The following STK38L variants were observed in gnomAD, a reference collection of about 807,000 sequenced individuals.
STK38L encodes serine/threonine kinase 38 like, also known as serine/threonine-protein kinase 38-like.
A neutral mutation model predicts 59.7 loss-of-function variants in STK38L; 28 were observed. That is an observed-to-expected ratio of 0.47 (90% CI 0.35 to 0.64). The LOEUF is 0.64. Ranked by LOEUF, STK38L falls within the 30% of genes least tolerant of loss-of-function variation. The pLI is 0.01. For synonymous variants in STK38L, 162 were observed against 176.8 expected (o/e 0.92, Z 0.66); for missense variants, 314 against 555.8 (o/e 0.56, Z 4.37).
At chr12:27,282,025 G>A (rs1005322598) in intron 1 of STK38L, among the ~76,000 whole-genome samples, 2 of 152,174 alleles carry the variant, frequency 1.3e-5, no homozygotes, top group Non-Finnish European at 2.9e-5. Context: ...GACAGAGGGA[G>A]ACTGTCTCAA....
chr12:27,265,242 T>C (rs1226398721), intron 1 of STK38L, among the ~76,000 whole-genome samples: 1 of 152,222 alleles, frequency 6.6e-6, no homozygotes, highest in African/African-American at 2.4e-5. Context: ...TGTTTTCTTA[T>C]GCATATAAAG....
intron 1 of STK38L, among the ~76,000 whole-genome samples, chr12:27,296,205 C>T (rs1380403454): frequency 6.6e-6 from 1 of 152,162 alleles, no homozygotes; most frequent in African/African-American, 2.4e-5. Flanking sequence ...GATATATAAC[C>T]ATACTCAGTG....
chr12:27,270,865 T>C (rs1279164331), intron 1 of STK38L, among the ~76,000 whole-genome samples: 2 of 152,214 alleles, frequency 1.3e-5, no homozygotes, highest in Non-Finnish European at 2.9e-5. Flanking sequence ...ATTTGTAATA[T>C]GTAACTTGCT....
rs867372050 is a variant in STK38L, at chr12:27,306,740, C to T, written c.187-1599C>T. The stretch of plus-strand genomic sequence containing the variant: ...ACACACACACACACACACACACACA[C>T]ACACACACACACATATATTTGAGAT... On this transcript the variant is annotated intron_variant, in intron 3 of 13. Transcript: ENST00000389032. Among the ~76,000 whole-genome samples, 505 of 151,728 alleles carry T rather than the reference C, an allele frequency of 3.3e-3. 7 individuals carry two copies. The highest frequency in any genetic ancestry group is 0.011 in the African/African-American group (458 of 41,346).
intron 6 of STK38L, among the ~76,000 whole-genome samples, chr12:27,313,636 G>T (rs1944512700): frequency 6.6e-6 from 1 of 151,994 alleles, no homozygotes; most frequent in African/African-American, 2.4e-5. Flanking sequence ...ACCCACCTCA[G>T]CCTCCCAGAG....
intron 1 of STK38L, among the ~76,000 whole-genome samples, chr12:27,296,685 C>G (rs922296521): frequency 6.6e-6 from 1 of 152,158 alleles, no homozygotes; most frequent in African/African-American, 2.4e-5. Context: ...TGGTCTGTTA[C>G]GATCTTCATC....
At chr12:27,276,017 C>G (rs1250286835) in intron 1 of STK38L, among the ~76,000 whole-genome samples, 4 of 152,102 alleles carry the variant, frequency 2.6e-5, no homozygotes, top group Admixed American at 2.6e-4. Flanking sequence ...ATAGGCCTAA[C>G]AAATGGAAAT....
rs1310572793 is a variant in STK38L at position 27,308,036 on chromosome 12, A to G, written c.187-303A>G. ...CAGTATCAGAATACCATTAACATTT[A>G]CTAACATTTAATTTTTATTTATGGA... On this transcript the variant is annotated intron_variant, in intron 3 of 13. Coordinates refer to ENST00000389032, the MANE Select transcript of STK38L (RefSeq NM_015000.4). The surrounding 1 kb of genome is among the most constrained non-coding windows in gnomAD (Gnocchi z 4.5). Among the ~76,000 whole-genome samples the G allele has an allele frequency of 6.6e-6, 1 of 152,128 alleles. No homozygotes were observed. Among genetic ancestry groups the G allele is most frequent in the African/African-American group, 2.4e-5 (1 of 41,452 alleles).
At chr12:27,296,364 C>T (rs541222924) in intron 1 of STK38L, among the ~76,000 whole-genome samples, 24 of 152,174 alleles carry the variant, frequency 1.6e-4, no homozygotes, top group Non-Finnish European at 2.9e-4. Context: ...ATAATAGATG[C>T]AGTTTTAGAC....
intron 9 of STK38L, among the ~76,000 whole-genome samples, chr12:27,316,650 A>C (rs1249241617): frequency 6.6e-6 from 1 of 152,198 alleles, no homozygotes; most frequent in South Asian, 2.1e-4. Context: ...CTGGTTGAGA[A>C]TTACTGCCTT....
chr12:27,272,989 G>A (rs971012733), intron 1 of STK38L, among the ~76,000 whole-genome samples: 16 of 151,496 alleles, frequency 1.1e-4, no homozygotes, highest in African/African-American at 3.9e-4. Flanking sequence ...AAGCTGAAAT[G>A]CATTATTTTC....
At chr12:27,309,923 T>C (rs1944416296) in intron 5 of STK38L, among the ~76,000 whole-genome samples, 2 of 152,258 alleles carry the variant, frequency 1.3e-5, no homozygotes, top group African/African-American at 4.8e-5. Context: ...CTGGGCTCTC[T>C]GCATGTTTCC....
At chr12:27,251,131 T>C (rs960087583) in intron 1 of STK38L, among the ~76,000 whole-genome samples, 1 of 152,224 alleles carries the variant, frequency 6.6e-6, no homozygotes, top group African/African-American at 2.4e-5. Flanking sequence ...CCAAGTTTTC[T>C]TTCTTCTCTT....
At chr12:27,311,511 A>G (rs1467553315) in intron 5 of STK38L, among the ~76,000 whole-genome samples, 1 of 152,204 alleles carries the variant, frequency 6.6e-6, no homozygotes, top group Non-Finnish European at 1.5e-5. Flanking sequence ...TAATCTTTGG[A>G]AAAAGTGTAT....
At chr12:27,294,998 C>A (rs1279412368) in intron 1 of STK38L, among the ~76,000 whole-genome samples, 1 of 152,130 alleles carries the variant, frequency 6.6e-6, no homozygotes, top group African/African-American at 2.4e-5. Flanking sequence ...CTGTGCCTGG[C>A]ATTCTTTGAC....
chr12:27,292,409 A>G (rs1422782856), intron 1 of STK38L, among the ~76,000 whole-genome samples: 1 of 152,236 alleles, frequency 6.6e-6, no homozygotes, highest in African/African-American at 2.4e-5. Context: ...AAGCTAAACT[A>G]TACAAGATAT....
intron 1 of STK38L, among the ~76,000 whole-genome samples, chr12:27,260,600 G>T (rs929937992): frequency 1.3e-5 from 2 of 152,112 alleles, no homozygotes; most frequent in African/African-American, 4.8e-5. Context: ...GCATACCTCT[G>T]CTTCAGGGCC....
chr12:27,317,363 T>A lies in STK38L; in HGVS notation c.865T>A (p.Tyr289Asn). 1 of 1,612,244 alleles carries A rather than the reference T, an allele frequency of 6.2e-7. No homozygotes were observed. Among genetic ancestry groups the A allele is most frequent in the Non-Finnish European group, 8.5e-7 (1 of 1,179,580 alleles). ...LAYSTVGTPD[Y>N]IAPEVFMQTG... The stretch of plus-strand genomic sequence containing the variant: ...ATATTCCACAGTTGGGACACCAGAT[T>A]ACATTGCTCCAGAAGTATTCATGCA... Residue 289 changes from tyrosine to asparagine, a missense_variant, in exon 10 of 14, where the codon TAC (tyrosine) becomes AAC (asparagine). Around this residue, in one of 3 missense-constraint regions of STK38L, gnomAD observed 28 missense variants for 96.7 expected, o/e 0.29. Coordinates refer to ENST00000389032, the MANE Select transcript of STK38L (RefSeq NM_015000.4).
At chr12:27,251,129 T>C (rs1942967146) in intron 1 of STK38L, among the ~76,000 whole-genome samples, 1 of 152,222 alleles carries the variant, frequency 6.6e-6, no homozygotes, top group African/African-American at 2.4e-5. Context: ...CCCCAAGTTT[T>C]CTTTCTTCTC....
Sources: allele counts gnomAD v4.1 joint callset (sites outside exome capture counted in the v4.1 genomes callset), GRCh38; gene constraint gnomAD v4.1.1; regional missense constraint gnomAD v4.1.1; non-coding constraint Gnocchi (gnomAD v3.1); transcripts MANE v1.5; gene names NCBI Gene and HGNC (gene_info 2026-07-23, HGNC 2026-07-21).